Variants in SPTBN1 observed in about 807,000 individuals in gnomAD.
The protein encoded by SPTBN1 is spectrin beta chain, non-erythrocytic 1.
SPTBN1 carries 32 observed loss-of-function variants against 266.4 expected under a neutral mutation model. The observed-to-expected ratio is 0.12, with a 90% CI of 0.09 to 0.16. The LOEUF (loss-of-function observed/expected upper bound fraction) is 0.16, where lower values mean the gene tolerates loss of function less well. Ranked by LOEUF, SPTBN1 falls within the 10% of genes least tolerant of loss-of-function variation. SPTBN1 has a pLI of 1.00. For missense variants in SPTBN1, 2,296 were observed against 3,067.1 expected (o/e 0.75, Z 5.94); for synonymous variants, 1,336 against 1,162.2 (o/e 1.15, Z -3.04).
intron 2 of SPTBN1, among the ~76,000 whole-genome samples, chr2:54,582,393 C>G (rs1406179976): frequency 6.6e-6 from 1 of 151,834 alleles, no homozygotes. Context: ...GAGAAGCACC[C>G]TCCATTTAGA....
At chr2:54,498,338 A>T (rs925727845) in intron 1 of SPTBN1, among the ~76,000 whole-genome samples, 1 of 152,216 alleles carries the variant, frequency 6.6e-6, no homozygotes, top group Admixed American at 6.5e-5. Context: ...TTTAATTTAA[A>T]TTAAATTTAA....
chr2:54,636,438 TA>T (rs1679141836), intron 17 of SPTBN1, among the ~76,000 whole-genome samples: 1 of 152,234 alleles, frequency 6.6e-6, no homozygotes, highest in African/African-American at 2.4e-5. Flanking sequence ...GCAGGAGCTA[TA>T]GGGGCAGAGG....
chr2:54,634,472 G>A (rs1259640428), intron 17 of SPTBN1, among the ~76,000 whole-genome samples: 2 of 152,194 alleles, frequency 1.3e-5, no homozygotes, highest in African/African-American at 4.8e-5. Flanking sequence ...AAGATGGAAG[G>A]AGGGAGCTTT....
intron 3 of SPTBN1, among the ~76,000 whole-genome samples, chr2:54,610,104 C>G (rs1374023039): frequency 8.4e-6 from 1 of 119,296 alleles, no homozygotes; most frequent in African/African-American, 3.3e-5. Flanking sequence ...TTAATGGTGC[C>G]TGGGAACTCA....
chr2:54,653,591 C>G lies in SPTBN1; in HGVS notation c.5578-18C>G, dbSNP rs752245275. 7 of 1,611,516 alleles carry G rather than the reference C, an allele frequency of 4.3e-6. No homozygotes were observed. In the Admixed American group the frequency reaches 1.2e-4, roughly 27 times the overall value. On this transcript the variant is annotated intron_variant, in intron 26 of 35. Coordinates refer to ENST00000356805, the MANE Select transcript of SPTBN1 (RefSeq NM_003128.3). The surrounding 1 kb of genome is among the most constrained non-coding windows in gnomAD (Gnocchi z 5.1). ...CCGCCATGGGCTGACCTGGCTCATC[C>G]CCTACATGGCTTCACAGGTGAGGCA...
intron 2 of SPTBN1, among the ~76,000 whole-genome samples, chr2:54,589,255 A>G (rs1415422365): frequency 6.6e-6 from 1 of 152,066 alleles, no homozygotes; most frequent in Non-Finnish European, 1.5e-5. Flanking sequence ...CTTCTTATGG[A>G]TTGTGACTTT....
Position 54,646,344 on chromosome 2 carries a change from G to A in SPTBN1, c.4735G>A (p.Glu1579Lys), listed in dbSNP as rs1679923802. 1.2e-6 allele frequency: 2 copies of A among 1,613,980 alleles called. No individual in the cohort carries two copies. Among genetic ancestry groups the A allele is most frequent in the Admixed American group, 1.7e-5 (1 of 59,998 alleles). ...DLKQLWGLLI[E>K]ETEKRHRRLE... ...GAAGCAGCTGTGGGGTCTCCTCATT[G>A]AGGAGACAGAGAAACGCCACAGGCG... is the stretch of plus-strand genomic sequence containing the variant. Residue 1579 changes from glutamate to lysine, a missense_variant, in exon 23 of 36, where the codon GAG becomes AAG. This residue lies in a region of SPTBN1 where 644 missense variants were observed against 745.3 expected (regional missense o/e 0.86). Transcript: ENST00000356805. The surrounding 1 kb of genome is among the most constrained non-coding windows in gnomAD (Gnocchi z 4.4).
intron 2 of SPTBN1, chr2:54,529,635 T>TG: frequency 1.4e-6 from 1 of 706,218 alleles, no homozygotes; most frequent in South Asian, 1.4e-5. Context: ...AACACCCTTG[T>TG]GTTCACTGTG....
chr2:54,591,904 G>GC (rs1675710659), intron 2 of SPTBN1, among the ~76,000 whole-genome samples: 1 of 152,122 alleles, frequency 6.6e-6, no homozygotes, highest in Non-Finnish European at 1.5e-5. Flanking sequence ...GGGTGCAGTG[G>GC]CCCACACCTG....
In SPTBN1 at chr2:54,647,245, G is replaced by T. The variant is rs772742970; in HGVS notation, c.4981G>T (p.Asp1661Tyr). 1 of 1,613,876 alleles carries T rather than the reference G, an allele frequency of 6.2e-7. No individual in the cohort carries two copies. ...CAAGACCAGCCGGGCCCTGGTGGCC[G>T]ACAGCCATCCTGAAAGGTGAGCGCT... is the stretch of plus-strand genomic sequence containing the variant. ...LSKTSRALVA[D>Y]SHPESERISM... Residue 1661 changes from aspartate (D) to tyrosine (Y), a missense_variant, in exon 24 of 36, where the codon GAC (aspartate) becomes TAC (tyrosine). Coordinates refer to ENST00000356805, the MANE Select transcript of SPTBN1 (RefSeq NM_003128.3).
chr2:54,511,439 C>G (rs1669852401), intron 1 of SPTBN1, among the ~76,000 whole-genome samples: 1 of 152,162 alleles, frequency 6.6e-6, no homozygotes, highest in African/African-American at 2.4e-5. Flanking sequence ...TGGTCTCCAA[C>G]CTTTTTGGCA....
intron 26 of SPTBN1, among the ~76,000 whole-genome samples, chr2:54,651,940 A>G (rs1043376626): frequency 1.3e-5 from 2 of 152,172 alleles, no homozygotes. Flanking sequence ...GTTATCACCT[A>G]AAGTGCTTCT....
At chr2:54,655,882 A>G (rs1680619484) in intron 28 of SPTBN1, 32 bp from the exon 29 acceptor site, 1 of 1,564,606 alleles carries the variant, frequency 6.4e-7, no homozygotes, top group Non-Finnish European at 8.8e-7. Flanking sequence ...GCATTCCATT[A>G]AGATGTCCCG....
At chr2:54,513,186 G>A (rs983197450) in intron 1 of SPTBN1, among the ~76,000 whole-genome samples, 1 of 152,150 alleles carries the variant, frequency 6.6e-6, no homozygotes, top group Admixed American at 6.5e-5. Context: ...AAACAAGCAA[G>A]CAAACAAAAA....
chr2:54,492,455 G>A (rs577753818), intron 1 of SPTBN1, among the ~76,000 whole-genome samples: 1 of 146,980 alleles, frequency 6.8e-6, no homozygotes, highest in South Asian at 2.2e-4. Flanking sequence ...AAGTGGATTT[G>A]CTGGGTCTGA....
chr2:54,616,844 A>G (rs988127944), intron 5 of SPTBN1, among the ~76,000 whole-genome samples: 1 of 152,228 alleles, frequency 6.6e-6, no homozygotes, highest in Non-Finnish European at 1.5e-5. Flanking sequence ...GGTCATAGGT[A>G]CTTACTGAGA....
At chr2:54,489,542 A>G (rs1258182799) in intron 1 of SPTBN1, among the ~76,000 whole-genome samples, 2 of 152,170 alleles carry the variant, frequency 1.3e-5, no homozygotes, top group African/African-American at 2.4e-5. Flanking sequence ...CTTACTAAAA[A>G]TACAAAAATT....
chr2:54,525,247 C>T (rs1294934435), intron 1 of SPTBN1, among the ~76,000 whole-genome samples: 1 of 152,066 alleles, frequency 6.6e-6, no homozygotes, highest in African/African-American at 2.4e-5. Context: ...ACACTTACAT[C>T]TTAATTTTTT....
At chr2:54,597,524 C>A (rs1676170311) in intron 2 of SPTBN1, among the ~76,000 whole-genome samples, 1 of 152,152 alleles carries the variant, frequency 6.6e-6, no homozygotes, top group African/African-American at 2.4e-5. Context: ...TGGGTAGGTC[C>A]TTTTTGGGAA....
Sources: allele counts gnomAD v4.1 joint callset (sites outside exome capture counted in the v4.1 genomes callset), GRCh38; gene constraint gnomAD v4.1.1; regional missense constraint gnomAD v4.1.1; non-coding constraint Gnocchi (gnomAD v3.1); transcripts MANE v1.5; gene names NCBI Gene and HGNC (gene_info 2026-07-23, HGNC 2026-07-21).